Variants in LRRC40 observed in about 807,000 individuals in gnomAD.
LRRC40 encodes leucine rich repeat containing 40, also known as leucine-rich repeat-containing protein 40.
A neutral mutation model predicts 72.8 loss-of-function variants in LRRC40; 76 were observed. The observed-to-expected ratio is 1.04, with a 90% CI of 0.87 to 1.26. The LOEUF (loss-of-function observed/expected upper bound fraction) is 1.26, where lower values mean the gene tolerates loss of function less well. Among genes scored for constraint, LRRC40 ranks in the 50% most tolerant of loss-of-function variants. The pLI is 0.00. For missense variants in LRRC40, 684 were observed against 698.9 expected (o/e 0.98, Z 0.24); for synonymous variants, 243 against 254.2 (o/e 0.96, Z 0.42).
chr1:70,148,506 C>G lies in LRRC40; in HGVS notation c.1684G>C (p.Gly562Arg). The change falls in exon 14 of 15, where the codon GGT (glycine) becomes CGT (arginine). Residue 562 changes from glycine to arginine, a missense_variant. Transcript: ENST00000370952. ...NDLLQIPPEL[G>R]NCVNLRTLLL... ...AGTTACCTTAAGTTTACACAATTAC[C>G]GAGCTCTGGTGGAATTTGTAAGAGG... is the stretch of plus-strand genomic sequence containing the variant. 7 of 1,611,970 alleles carry G rather than the reference C, an allele frequency of 4.3e-6. No individual in the cohort carries two copies. The highest frequency in any genetic ancestry group is 4.2e-6 in the Non-Finnish European group (5 of 1,178,558).
chr1:70,183,302 C>T (rs1322621196), intron 4 of LRRC40, among the ~76,000 whole-genome samples: 1 of 151,748 alleles, frequency 6.6e-6, no homozygotes, highest in Non-Finnish European at 1.5e-5. Flanking sequence ...TATGAATTAA[C>T]TATGTGGAGT....
chr1:70,169,272 C>T (rs1470370063), intron 9 of LRRC40, among the ~76,000 whole-genome samples: 1 of 152,202 alleles, frequency 6.6e-6, no homozygotes, highest in Admixed American at 6.5e-5. Context: ...CAGACAGCCC[C>T]TTCTCTGCTG....
At chr1:70,175,671 T>A (rs983209698) in intron 7 of LRRC40, 139 bp downstream of exon 7, 2 of 606,832 alleles carry the variant, frequency 3.3e-6, no homozygotes, top group Non-Finnish European at 5.5e-6. Flanking sequence ...TCTTTATCTG[T>A]ACATAACTAC....
At position 70,187,229 on chromosome 1, in the gene LRRC40, AG is replaced by A. The variant is rs772586639; in HGVS notation, c.407+35del. On this transcript the variant is annotated intron_variant, in intron 3 of 14. Coordinates refer to ENST00000370952, the MANE Select transcript of LRRC40 (RefSeq NM_017768.5). ...AGAATATTAGATTTAAACCATTATA[AG>A]GGCAATAATATAAGTAAATAAGCTT... The A allele has an allele frequency of 8.4e-6, 8 of 957,268 alleles. No individual in the cohort carries two copies. The East Asian group carries it at 1.9e-4, about 23-fold the overall frequency. The allele number at this position is 957,268 out of a possible 1,614,324, so 59.3% of individuals were successfully genotyped here. A position where few individuals can be genotyped will look rare whatever the true frequency, so the allele number is the denominator to read the frequency against.
intron 3 of LRRC40, 50 bp from the exon 4 acceptor site, chr1:70,184,964 ATATT>A: frequency 6.9e-7 from 1 of 1,456,500 alleles, no homozygotes; most frequent in East Asian, 2.3e-5. Flanking sequence ...AATACAATAA[ATATT>A]TATCAAAGAC....
chr1:70,194,897 G>GA (rs1449543028), intron 1 of LRRC40, among the ~76,000 whole-genome samples: 4 of 151,932 alleles, frequency 2.6e-5, no homozygotes, highest in South Asian at 4.1e-4. Flanking sequence ...AAAGAGTTCA[G>GA]AAAAAATTCC....
At chr1:70,196,991 A>G (rs980359226) in intron 1 of LRRC40, among the ~76,000 whole-genome samples, 1 of 152,220 alleles carries the variant, frequency 6.6e-6, no homozygotes, top group Admixed American at 6.5e-5. Flanking sequence ...CATATAACAT[A>G]TATCACAGGG....
chr1:70,151,163 C>A lies in LRRC40; in HGVS notation c.1482G>T (p.Leu494=). The change falls in exon 13 of 15, where the codon CTG becomes CTT. Residue 494 remains leucine (L), a synonymous_variant. Coordinates refer to ENST00000370952, the MANE Select transcript of LRRC40 (RefSeq NM_017768.5). ...LNSLPEEMES[L]VRLQTINLSF... is the part of the protein sequence containing the mutation. ...AAAGATTGATCGTTTGCAGTCTTAC[C>A]AGTGATTCCATTTCTTCTGGCAAAG... The A allele has an allele frequency of 6.3e-7, 1 of 1,588,070 alleles. No homozygotes were observed. Among genetic ancestry groups the A allele is most frequent in the Non-Finnish European group, 8.6e-7 (1 of 1,158,336 alleles).
At chr1:70,191,238 T>C (rs751668948) in intron 1 of LRRC40, among the ~76,000 whole-genome samples, 8 of 152,070 alleles carry the variant, frequency 5.3e-5, no homozygotes, top group Admixed American at 3.9e-4. Context: ...GAAAAAGCTA[T>C]GTGAGATGCA....
intron 7 of LRRC40, among the ~76,000 whole-genome samples, chr1:70,174,400 A>G (rs1668059149): frequency 2.0e-5 from 3 of 152,066 alleles, no homozygotes; most frequent in Admixed American, 2.0e-4. Context: ...GAGTCTTTTA[A>G]ACATATGGTC....
chr1:70,174,734 A>G (rs952513123), intron 7 of LRRC40, among the ~76,000 whole-genome samples: 3 of 152,104 alleles, frequency 2.0e-5, no homozygotes, highest in Non-Finnish European at 4.4e-5. Context: ...GGACAAAACT[A>G]TAGTAACATA....
At chr1:70,200,685 A>T (rs932607668) in intron 1 of LRRC40, among the ~76,000 whole-genome samples, 6 of 152,220 alleles carry the variant, frequency 3.9e-5, no homozygotes, top group Non-Finnish European at 8.8e-5. Flanking sequence ...TGGAAGAAAC[A>T]TAGTAGATAA....
intron 9 of LRRC40, among the ~76,000 whole-genome samples, chr1:70,163,838 T>C (rs544003433): frequency 6.6e-6 from 1 of 152,112 alleles, no homozygotes; most frequent in African/African-American, 2.4e-5. Flanking sequence ...ATAAAGTAAT[T>C]AAGCTTAATG....
At chr1:70,185,051 T>C (rs138605978) in intron 3 of LRRC40, 137 bp from the exon 4 acceptor site, 1 of 628,982 alleles carries the variant, frequency 1.6e-6, no homozygotes, top group African/African-American at 1.9e-5. Context: ...CTTATCAAAA[T>C]TCATATCCAA....
At chr1:70,174,463 A>G (rs1053258301) in intron 7 of LRRC40, among the ~76,000 whole-genome samples, 1 of 152,128 alleles carries the variant, frequency 6.6e-6, no homozygotes, top group African/African-American at 2.4e-5. Flanking sequence ...AGAAATGAAA[A>G]TAATGTCCAC....
chr1:70,201,694 C>T (rs1206937258), intron 1 of LRRC40, among the ~76,000 whole-genome samples: 1 of 152,034 alleles, frequency 6.6e-6, no homozygotes, highest in Non-Finnish European at 1.5e-5. Flanking sequence ...CAATACAGGC[C>T]GGGCGTGGGG....
At chr1:70,178,106 G>A (rs1668149796) in intron 6 of LRRC40, among the ~76,000 whole-genome samples, 3 of 152,262 alleles carry the variant, frequency 2.0e-5, no homozygotes, top group South Asian at 2.1e-4. Flanking sequence ...TGGTCAACAG[G>A]AGACTACTAC....
intron 12 of LRRC40, chr1:70,151,926 A>AAAT (rs1284654980): frequency 6.6e-6 from 1 of 152,258 alleles, no homozygotes; most frequent in Non-Finnish European, 1.5e-5. Context: ...TATTACAAAT[A>AAAT]AATATTTTTC....
rs192456823 is a variant in LRRC40 at position 70,166,400 on chromosome 1, C to T, written c.1112-6962G>A. 1.4e-4 allele frequency among the ~76,000 whole-genome samples: 21 copies of T among 152,158 alleles called. No homozygotes were observed. In the East Asian group the frequency reaches 4.1e-3, roughly 29 times the overall value. On this transcript the variant is annotated intron_variant, in intron 9 of 14. Coordinates refer to ENST00000370952, the MANE Select transcript of LRRC40 (RefSeq NM_017768.5). Reference sequence around the variant, plus strand: ...ATGGCCTGGGCATGGTGACTCATGCCTGTAAATCCCAACACTTTGGGAGGT... The same window carrying T: ...ATGGCCTGGGCATGGTGACTCATGCTTGTAAATCCCAACACTTTGGGAGGT...
Sources: allele counts gnomAD v4.1 joint callset (sites outside exome capture counted in the v4.1 genomes callset), GRCh38; gene constraint gnomAD v4.1.1; transcripts MANE v1.5; gene names NCBI Gene and HGNC (gene_info 2026-07-23, HGNC 2026-07-21).